Variants in NAV3 observed in about 807,000 individuals in gnomAD.
NAV3 encodes the protein pore membrane and/or filament interacting like protein 1.
A neutral mutation model predicts 244.7 loss-of-function variants in NAV3; 87 were observed. The ratio of observed to expected loss-of-function variants is 0.36; its 90% CI spans 0.30 to 0.42. The LOEUF (loss-of-function observed/expected upper bound fraction) is 0.42, where lower values mean the gene tolerates loss of function less well. Among genes scored for constraint, NAV3 ranks in the 20% least tolerant of loss-of-function variants. The pLI is 1.00. For missense variants in NAV3, 2,663 were observed against 2,893.3 expected (o/e 0.92, Z 1.83); for synonymous variants, 1,126 against 1,042.2 (o/e 1.08, Z -1.55).
chr12:77,710,049 G>A (rs973549400), intron 2 of NAV3, among the ~76,000 whole-genome samples: 103 of 152,188 alleles, frequency 6.8e-4, no homozygotes, highest in African/African-American at 2.2e-3. Flanking sequence ...TAAAACTATA[G>A]TAATCTGTGT....
chr12:77,621,144 A>G (rs1871353981), intron 2 of NAV3, among the ~76,000 whole-genome samples: 1 of 152,190 alleles, frequency 6.6e-6, no homozygotes, highest in Non-Finnish European at 1.5e-5. Flanking sequence ...TGATAAACAA[A>G]CAACTCTGTT....
chr12:77,976,333 T>C (rs894142446), intron 5 of NAV3, among the ~76,000 whole-genome samples: 3 of 152,100 alleles, frequency 2.0e-5, no homozygotes, highest in African/African-American at 7.2e-5. Flanking sequence ...GCTATAAGGC[T>C]AGACATGATT....
At chr12:77,879,455 C>T (rs753100915) in intron 1 of NAV3, among the ~76,000 whole-genome samples, 49 of 151,834 alleles carry the variant, frequency 3.2e-4, no homozygotes, top group Admixed American at 2.6e-4. Context: ...ATCACTTGAG[C>T]GCAGGAGTTC....
At chr12:77,841,648 G>T in intron 1 of NAV3, among the ~76,000 whole-genome samples, 1 of 152,130 alleles carries the variant, frequency 6.6e-6, no homozygotes, top group East Asian at 1.9e-4. Flanking sequence ...TGCATTTCCT[G>T]TGGCTGCTTT....
In NAV3 at chr12:78,078,053, C is replaced by T. The variant is rs558052492; in HGVS notation, c.2636+18938C>T. Among the ~76,000 whole-genome samples the T allele has an allele frequency of 2.8e-3, 253 of 91,044 alleles. 3 individuals carry two copies. The highest frequency in any genetic ancestry group is 9.3e-3 in the African/African-American group (230 of 24,686). 59.7% of individuals were successfully genotyped at this position (91,044 alleles called of 152,430 possible). On this transcript the variant is annotated intron_variant, in intron 12 of 39. Coordinates refer to ENST00000397909, the MANE Select transcript of NAV3 (RefSeq NM_001024383.2). ...GGCCACGAGTGAGGGATCCTGTCTC[C>T]TTGTCTTGTAGTTAGCTTCTGTGTC... is the stretch of plus-strand genomic sequence containing the variant.
chr12:78,009,470 A>G (rs893795140), intron 8 of NAV3, among the ~76,000 whole-genome samples: 1 of 148,548 alleles, frequency 6.7e-6, no homozygotes, highest in African/African-American at 2.5e-5. Flanking sequence ...AAAAAAAAAA[A>G]AGAGAAAAAA....
intron 23 of NAV3, among the ~76,000 whole-genome samples, chr12:78,161,104 G>T (rs918152229): frequency 1.3e-5 from 2 of 152,066 alleles, no homozygotes; most frequent in Non-Finnish European, 2.9e-5. Flanking sequence ...TCTTGAATGA[G>T]AATTCTGGCT....
chr12:78,031,581 T>G (rs1878988586), intron 9 of NAV3, among the ~76,000 whole-genome samples: 2 of 151,790 alleles, frequency 1.3e-5, no homozygotes, highest in Admixed American at 1.3e-4. Flanking sequence ...TCATGTCCTT[T>G]GTAGGGACAT....
chr12:78,111,326 A>G (rs1386353262), intron 12 of NAV3, among the ~76,000 whole-genome samples: 2 of 152,158 alleles, frequency 1.3e-5, no homozygotes, highest in Non-Finnish European at 2.9e-5. Flanking sequence ...CAATACTACT[A>G]TAAGAACCAC....
At chr12:77,965,777 G>C (rs934501804) in intron 3 of NAV3, among the ~76,000 whole-genome samples, 1 of 152,140 alleles carries the variant, frequency 6.6e-6, no homozygotes, top group African/African-American at 2.4e-5. Context: ...ATGAAAATAT[G>C]CTTCATTTTC....
chr12:78,193,461 G>T (rs1423400360), intron 34 of NAV3, among the ~76,000 whole-genome samples: 6 of 152,176 alleles, frequency 3.9e-5, no homozygotes, highest in African/African-American at 1.4e-4. Flanking sequence ...CAGCATCTGA[G>T]AAAGCAGTGA....
rs1392783900 is a variant in NAV3 at position 77,973,842 on chromosome 12, C to A, written c.671+5140C>A. Among the ~76,000 whole-genome samples the A allele has an allele frequency of 2.0e-5, 3 of 151,780 alleles. No homozygotes were observed. In the East Asian group the frequency reaches 5.8e-4, roughly 29 times the overall value. ...GCCTAACTCAGTTCTGTGTTGTGGC[C>A]ATAGTGTGCCCTTTAAAAAAAAAGT... On this transcript the variant is annotated intron_variant, in intron 5 of 39. Transcript: ENST00000397909.
intron 8 of NAV3, among the ~76,000 whole-genome samples, chr12:78,015,779 A>G (rs1002686956): frequency 1.3e-5 from 2 of 152,108 alleles, no homozygotes; most frequent in Admixed American, 6.6e-5. Context: ...TGTTGCCTGA[A>G]TTAATAATGT....
At chr12:78,013,256 T>G (rs1875617413) in intron 8 of NAV3, among the ~76,000 whole-genome samples, 1 of 152,136 alleles carries the variant, frequency 6.6e-6, no homozygotes, top group African/African-American at 2.4e-5. Context: ...CTTTTCATCA[T>G]CCACAATGTG....
At chr12:78,192,099 T>TATCC (rs1959008235) in intron 34 of NAV3, among the ~76,000 whole-genome samples, 1 of 152,074 alleles carries the variant, frequency 6.6e-6, no homozygotes, top group Non-Finnish European at 1.5e-5. Context: ...TCTGTCTATC[T>TATCC]ATCCATCTAT....
At chr12:77,669,105 C>A (rs951600038) in intron 2 of NAV3, among the ~76,000 whole-genome samples, 2 of 152,102 alleles carry the variant, frequency 1.3e-5, no homozygotes, top group African/African-American at 4.8e-5. Flanking sequence ...AAATTACAGT[C>A]TTTTCCAAAT....
intron 1 of NAV3, among the ~76,000 whole-genome samples, chr12:77,867,443 G>T (rs758654896): frequency 6.6e-6 from 1 of 151,954 alleles, no homozygotes; most frequent in Non-Finnish European, 1.5e-5. Context: ...TTTTTGAGAC[G>T]GAGTCTCGCT....
At chr12:78,160,406 T>TGTGTGTGTGTGTGTGC (rs1555184849) in intron 23 of NAV3, among the ~76,000 whole-genome samples, 1 of 138,820 alleles carries the variant, frequency 7.2e-6, no homozygotes, top group Non-Finnish European at 1.6e-5. Flanking sequence ...TGTGCGTGCG[T>TGTGTGTGTGTGTGTGC]GTGTGTGTGT....
intron 23 of NAV3, among the ~76,000 whole-genome samples, chr12:78,161,640 C>A (rs570927123): frequency 6.6e-6 from 1 of 151,966 alleles, no homozygotes; most frequent in African/African-American, 2.4e-5. Flanking sequence ...AATAACATTG[C>A]CAAAATTATA....
Sources: gnomAD v4.1 joint callset for allele counts (sites outside exome capture counted in the v4.1 genomes callset) on GRCh38, gnomAD v4.1.1 for gene constraint, MANE v1.5 for transcripts, NCBI Gene and HGNC (gene_info 2026-07-23, HGNC 2026-07-21) for gene names.